Variants in ERC1 observed in about 807,000 individuals in gnomAD.
The protein encoded by ERC1 is ELKS/RAB6-interacting/CAST family member 1.
In ERC1, 56 loss-of-function variants were observed where a neutral mutation model predicts 132.0. The observed-to-expected ratio is 0.42, with a 90% CI of 0.34 to 0.53. The LOEUF (loss-of-function observed/expected upper bound fraction) is 0.53. ERC1 is among the 20% of genes least tolerant of loss of function. ERC1 has a pLI of 0.03. For synonymous variants in ERC1, 478 were observed against 476.1 expected, an observed-to-expected ratio of 1.00 and a Z score of -0.05; for missense variants, 1,202 against 1,349.9, an observed-to-expected ratio of 0.89 and a Z score of 1.72.
chr12:1,196,596 C>T (rs574993854), intron 12 of ERC1, among the ~76,000 whole-genome samples: 20 of 151,192 alleles, frequency 1.3e-4, no homozygotes, highest in African/African-American at 3.6e-4. Context: ...CAGCCTCAAG[C>T]GATCCTCCCA....
At chr12:1,024,751 A>G (rs890375997) in intron 1 of ERC1, among the ~76,000 whole-genome samples, 2 of 151,444 alleles carry the variant, frequency 1.3e-5, no homozygotes, top group East Asian at 1.9e-4. Context: ...TGATAGCTAT[A>G]GTTTAGTGGG....
chr12:1,149,840 A>G (rs1199416984), intron 8 of ERC1, among the ~76,000 whole-genome samples: 1 of 152,178 alleles, frequency 6.6e-6, no homozygotes, highest in African/African-American at 2.4e-5. Context: ...GAATATTATT[A>G]TTCTTTAGTT....
chr12:1,128,968 TA>T (rs1215700399), intron 7 of ERC1, among the ~76,000 whole-genome samples: 1 of 152,078 alleles, frequency 6.6e-6, no homozygotes, highest in Non-Finnish European at 1.5e-5. Flanking sequence ...TAGAAATTAT[TA>T]AAAAGAACTC....
At chr12:1,008,586 T>C (rs1220829265) in intron 1 of ERC1, among the ~76,000 whole-genome samples, 2 of 152,132 alleles carry the variant, frequency 1.3e-5, no homozygotes, top group African/African-American at 4.8e-5. Flanking sequence ...CACATTATTT[T>C]TTAATACTAG....
chr12:1,282,944 T>C (rs1444509531), intron 14 of ERC1, among the ~76,000 whole-genome samples: 1 of 152,102 alleles, frequency 6.6e-6, no homozygotes, highest in African/African-American at 2.4e-5. Context: ...CCCAAGAGAG[T>C]ATAACAAGAT....
chr12:1,285,278 A>G (rs960326142), intron 14 of ERC1, among the ~76,000 whole-genome samples: 11 of 152,174 alleles, frequency 7.2e-5, no homozygotes, highest in African/African-American at 2.7e-4. Flanking sequence ...ATTATTGAAC[A>G]TTGGGTTTTA....
chr12:1,361,735 A>T (rs1477747228), intron 15 of ERC1, among the ~76,000 whole-genome samples: 2 of 152,222 alleles, frequency 1.3e-5, no homozygotes, highest in Non-Finnish European at 2.9e-5. Context: ...TAAGACCGTG[A>T]TTATTCATTA....
At chr12:1,418,686 CT>C (rs780934886) in intron 17 of ERC1, among the ~76,000 whole-genome samples, 1 of 107,190 alleles carries the variant, frequency 9.3e-6, no homozygotes, top group African/African-American at 4.2e-5. Context: ...TTCTTTCTTT[CT>C]TTCTTTCTTT....
chr12:1,314,971 A>G (rs1212102291), intron 15 of ERC1, among the ~76,000 whole-genome samples: 1 of 152,202 alleles, frequency 6.6e-6, no homozygotes, highest in African/African-American at 2.4e-5. Context: ...AAACTTGCCA[A>G]ATGGTCTAAT....
At chr12:1,447,701 G>T (rs2093338123) in intron 18 of ERC1, among the ~76,000 whole-genome samples, 1 of 151,922 alleles carries the variant, frequency 6.6e-6, no homozygotes, top group South Asian at 2.1e-4. Flanking sequence ...CCAGGCTGGA[G>T]TGCAGTGGCA....
chr12:1,444,843 G>A, intron 18 of ERC1, 93 bp downstream of exon 18: 1 of 1,183,148 alleles, frequency 8.5e-7, no homozygotes, highest in Non-Finnish European at 1.2e-6. Context: ...GAATCCAGTT[G>A]CCGTGTAGTT....
rs191009662 is a variant in ERC1 at position 1,289,728 on chromosome 12, C to G, written c.2620-124C>G. 393 of 672,624 alleles carry G rather than the reference C, an allele frequency of 5.8e-4. 1 individual carries two copies. Among genetic ancestry groups the G allele is most frequent in the Non-Finnish European group, 7.9e-4 (303 of 384,482 alleles). 41.7% of individuals were successfully genotyped at this position (672,624 alleles called of 1,614,324 possible). A position where few individuals can be genotyped will look rare whatever the true frequency, so the allele number is the denominator to read the frequency against. On this transcript the variant is annotated intron_variant, in intron 14 of 18. Coordinates refer to ENST00000360905, the MANE Select transcript of ERC1 (RefSeq NM_178040.4). ...ACACATAACTGATCCAGAAAGAGTA[C>G]AGAATTTTCAATGTGTTCCTGCGTC...
intron 17 of ERC1, among the ~76,000 whole-genome samples, chr12:1,429,148 C>T (rs1450845200): frequency 6.6e-6 from 1 of 152,164 alleles, no homozygotes; most frequent in Admixed American, 6.5e-5. Flanking sequence ...ACTGTTTCTT[C>T]CTGTATTTCA....
chr12:1,057,570 T>C (rs1973207017), intron 2 of ERC1, among the ~76,000 whole-genome samples: 1 of 151,296 alleles, frequency 6.6e-6, no homozygotes, highest in African/African-American at 2.4e-5. Context: ...AAAACTGTTT[T>C]GAAGGATGCG....
At chr12:1,456,836 A>C (rs2093547669) in intron 18 of ERC1, among the ~76,000 whole-genome samples, 1 of 152,034 alleles carries the variant, frequency 6.6e-6, no homozygotes, top group South Asian at 2.1e-4. Context: ...GAATCACCAG[A>C]AGAACTGTGT....
intron 15 of ERC1, among the ~76,000 whole-genome samples, chr12:1,368,092 G>A (rs942075025): frequency 2.0e-5 from 3 of 150,534 alleles, no homozygotes; most frequent in African/African-American, 7.3e-5. Flanking sequence ...TTATGTGCTT[G>A]TATTACTCCC....
chr12:1,142,580 A>G (rs563306409), intron 8 of ERC1, among the ~76,000 whole-genome samples: 15 of 152,340 alleles, frequency 9.8e-5, no homozygotes, highest in Non-Finnish European at 1.5e-4. Flanking sequence ...AGACTGTACC[A>G]AGTTTCATTT....
intron 14 of ERC1, among the ~76,000 whole-genome samples, chr12:1,288,463 T>C (rs1170196998): frequency 3.9e-5 from 6 of 152,218 alleles, no homozygotes; most frequent in Non-Finnish European, 7.3e-5. Context: ...TGCTGTTAGC[T>C]GAAGACATTT....
chr12:1,422,514 A>G (rs1427360401), intron 17 of ERC1, among the ~76,000 whole-genome samples: 3 of 151,252 alleles, frequency 2.0e-5, no homozygotes, highest in African/African-American at 7.4e-5. Context: ...GTGTTGCTAA[A>G]ATGACAGAAT....
Sources: allele counts gnomAD v4.1 joint callset (sites outside exome capture counted in the v4.1 genomes callset), GRCh38; gene constraint gnomAD v4.1.1; transcripts MANE v1.5; gene names NCBI Gene and HGNC (gene_info 2026-07-23, HGNC 2026-07-21).